The following RFX3 variants were observed in gnomAD, a reference collection of about 807,000 sequenced individuals.
RFX3 encodes transcription factor RFX3.
Under a neutral mutation model 98.6 loss-of-function variants are expected in RFX3, and 14 were observed. The observed-to-expected ratio is 0.14, with a 90% CI of 0.09 to 0.22. RFX3 has a LOEUF of 0.22. Ranked by LOEUF, RFX3 falls within the 10% of genes least tolerant of loss-of-function variation. RFX3 has a pLI of 1.00. For synonymous variants in RFX3, 383 were observed against 328.4 expected (o/e 1.17, Z -1.80); for missense variants, 639 against 926.9 (o/e 0.69, Z 4.03).
At chr9:3,254,954 G>C (rs113586979) in intron 14 of RFX3, among the ~76,000 whole-genome samples, 2,802 of 152,218 alleles carry the variant, frequency 0.018, 94 homozygotes, top group African/African-American at 0.064. Context: ...AATTATGTGG[G>C]CTAAAGGTGT....
intron 9 of RFX3, among the ~76,000 whole-genome samples, chr9:3,273,464 T>C (rs1222221581): frequency 6.6e-6 from 1 of 152,212 alleles, no homozygotes; most frequent in African/African-American, 2.4e-5. Flanking sequence ...ATTTCAACCT[T>C]ATTCAGGGGA....
chr9:3,335,029 G>A (rs918565841), intron 3 of RFX3, among the ~76,000 whole-genome samples: 1 of 152,108 alleles, frequency 6.6e-6, no homozygotes, highest in Non-Finnish European at 1.5e-5. Context: ...TGAGGCAGGA[G>A]AATCGCTTGA....
At chr9:3,376,765 C>A (rs2031716583) in intron 2 of RFX3, among the ~76,000 whole-genome samples, 2 of 152,204 alleles carry the variant, frequency 1.3e-5, no homozygotes, top group Admixed American at 6.5e-5. Context: ...CAAACAACCC[C>A]ATCAAAAAGT....
chr9:3,464,806 A>C (rs1290731961), intron 1 of RFX3, among the ~76,000 whole-genome samples: 1 of 152,228 alleles, frequency 6.6e-6, no homozygotes, highest in Admixed American at 6.5e-5. Flanking sequence ...AAAAGCAATG[A>C]AATATATGTT....
At chr9:3,438,187 T>C (rs1361894432) in intron 1 of RFX3, among the ~76,000 whole-genome samples, 1 of 152,098 alleles carries the variant, frequency 6.6e-6, no homozygotes, top group African/African-American at 2.4e-5. Flanking sequence ...AAAAAGGTCA[T>C]TCAAAACCAA....
chr9:3,359,747 GA>G (rs1475510068), intron 2 of RFX3, among the ~76,000 whole-genome samples: 2 of 151,732 alleles, frequency 1.3e-5, no homozygotes, highest in African/African-American at 4.8e-5. Context: ...TTTAAATAAT[GA>G]AAAAAATGTT....
intron 1 of RFX3, among the ~76,000 whole-genome samples, chr9:3,458,838 G>A (rs1847430933): frequency 6.6e-6 from 1 of 152,140 alleles, no homozygotes; most frequent in Non-Finnish European, 1.5e-5. Flanking sequence ...TAGAAACTTT[G>A]GTAGTAGAAG....
chr9:3,400,209 G>C, intron 1 of RFX3: 6 of 981,770 alleles, frequency 6.1e-6, no homozygotes, highest in Non-Finnish European at 7.3e-6. Flanking sequence ...ACAAAGACAA[G>C]TAAGAAAGGC....
intron 2 of RFX3, among the ~76,000 whole-genome samples, chr9:3,392,018 T>C (rs1352903472): frequency 6.6e-6 from 1 of 152,094 alleles, no homozygotes; most frequent in Non-Finnish European, 1.5e-5. Context: ...ATTCCCCCAC[T>C]AGGCAGGAAG....
intron 5 of RFX3, among the ~76,000 whole-genome samples, chr9:3,295,959 A>G (rs191489582): frequency 1.3e-5 from 2 of 152,060 alleles, no homozygotes; most frequent in African/African-American, 2.4e-5. Flanking sequence ...CATTTAAAAA[A>G]CTGCCCTACT....
chr9:3,475,902 G>T (rs545528336), intron 1 of RFX3, among the ~76,000 whole-genome samples: 1 of 152,068 alleles, frequency 6.6e-6, no homozygotes, highest in South Asian at 2.1e-4. Context: ...TTTTCCCTTC[G>T]CACTGACGCT....
chr9:3,244,134 C>T (rs961735468), intron 15 of RFX3, among the ~76,000 whole-genome samples: 7 of 151,974 alleles, frequency 4.6e-5, no homozygotes, highest in Non-Finnish European at 1.0e-4. Flanking sequence ...TCCCGAGTAG[C>T]TGGGACTACA....
chr9:3,261,530 G>A (rs1038211051), intron 13 of RFX3, among the ~76,000 whole-genome samples: 1 of 152,004 alleles, frequency 6.6e-6, no homozygotes, highest in African/African-American at 2.4e-5. Flanking sequence ...ATCACATTTT[G>A]TTTATCTATT....
intron 1 of RFX3, among the ~76,000 whole-genome samples, chr9:3,423,778 C>CACATAT (rs1843664951): frequency 1.8e-5 from 2 of 111,046 alleles, no homozygotes; most frequent in African/African-American, 6.3e-5. Context: ...TATATATTTT[C>CACATAT]ATATATATAT....
intron 1 of RFX3, among the ~76,000 whole-genome samples, chr9:3,471,631 ATCTG>A (rs1315724999): frequency 3.3e-5 from 5 of 152,244 alleles, no homozygotes; most frequent in Non-Finnish European, 5.9e-5. Context: ...TTTAAAATAT[ATCTG>A]TCTAAGACTT....
chr9:3,524,718 G>A (rs941621170), intron 1 of RFX3: 2 of 646,890 alleles, frequency 3.1e-6, no homozygotes, highest in Non-Finnish European at 3.8e-6. Flanking sequence ...TCATCAAAGT[G>A]AAACGGAACC....
intron 1 of RFX3, chr9:3,488,753 G>T: frequency 1.0e-6 from 1 of 983,388 alleles, no homozygotes; most frequent in South Asian, 4.7e-5. Flanking sequence ...GGGAATTTTT[G>T]ATGTACTTTA....
chr9:3,222,765 C>CAAAT lies in RFX3; in HGVS notation c.*2273_*2276dup, dbSNP rs1253949736. 1 of 151,996 alleles carries CAAAT rather than the reference C, an allele frequency of 6.6e-6. No individual in the cohort carries two copies. The highest frequency in any genetic ancestry group is 1.9e-4 in the East Asian group (1 of 5,192). 9.4% of individuals were successfully genotyped at this position (151,996 alleles called of 1,614,324 possible). A position where few individuals can be genotyped will look rare whatever the true frequency, so the allele number is the denominator to read the frequency against. On this transcript the variant is annotated 3_prime_UTR_variant, in exon 17 of 17. Transcript: ENST00000617270. ...TGCCTTTTTTGTGTGTGTTTTGGTACAAATCCATTGTCTTTTTGGGAGGAA... is the reference window on the plus strand; with the variant it reads ...TGCCTTTTTTGTGTGTGTTTTGGTACAAATAAATCCATTGTCTTTTTGGGAGGAA...
chr9:3,410,363 T>C (rs1368423655), intron 1 of RFX3, among the ~76,000 whole-genome samples: 1 of 152,174 alleles, frequency 6.6e-6, no homozygotes, highest in Non-Finnish European at 1.5e-5. Flanking sequence ...AGTTTCTGAG[T>C]GTCTCAGGCT....
Sources: allele counts gnomAD v4.1 joint callset (sites outside exome capture counted in the v4.1 genomes callset), GRCh38; gene constraint gnomAD v4.1.1; transcripts MANE v1.5; gene names NCBI Gene and HGNC (gene_info 2026-07-23, HGNC 2026-07-21).